ZNF160: variants seen among roughly 807,000 people sequenced by gnomAD.
The protein encoded by ZNF160 is zinc finger protein 160, also known as KRAB zinc finger protein KR18.
Under a neutral mutation model 13.1 loss-of-function variants are expected in ZNF160, and 9 were observed. That is an observed-to-expected ratio of 0.69 (90% CI 0.41 to 1.20). ZNF160 has a LOEUF of 1.20. Among genes scored for constraint, ZNF160 ranks in the 50% most tolerant of loss-of-function variants. The pLI, the probability that ZNF160 is intolerant of heterozygous loss-of-function variation, is 0.01. For missense variants in ZNF160, 838 were observed against 988.0 expected (o/e 0.85, Z 2.04); for synonymous variants, 293 against 333.2 (o/e 0.88, Z 1.31).
intron 5 of ZNF160, among the ~76,000 whole-genome samples, chr19:53,071,781 C>T (rs1344713696): frequency 6.6e-6 from 1 of 152,088 alleles, no homozygotes; most frequent in African/African-American, 2.4e-5. Flanking sequence ...GACCTCACGG[C>T]ACATACCAAT....
chr19:53,076,410 C>T (rs994255082), intron 3 of ZNF160, among the ~76,000 whole-genome samples: 5 of 152,128 alleles, frequency 3.3e-5, no homozygotes, highest in African/African-American at 9.7e-5. Flanking sequence ...AAGGCCGAGG[C>T]GGGTGGATTA....
rs866351439 is a variant in ZNF160 at position 53,077,188 on chromosome 19, A to G, written c.16-2005T>C. 4 of 152,338 alleles carry G rather than the reference A, an allele frequency of 2.6e-5. No homozygotes were observed. The South Asian group carries it at 6.2e-4, about 24-fold the overall frequency. 9.4% of individuals were successfully genotyped at this position (152,338 alleles called of 1,614,324 possible). A position where few individuals can be genotyped will look rare whatever the true frequency, so the allele number is the denominator to read the frequency against. On this transcript the variant is annotated intron_variant, in intron 3 of 5. Transcript: ENST00000683776. The stretch of plus-strand genomic sequence containing the variant: ...AGACAACAGAGGCATTCCTGCATAC[A>G]AACTGGCACAAGCTCTTTAGTTAAG...
At chr19:53,082,044 C>A (rs1260761528) in intron 3 of ZNF160, among the ~76,000 whole-genome samples, 2 of 152,144 alleles carry the variant, frequency 1.3e-5, no homozygotes, top group Non-Finnish European at 2.9e-5. Flanking sequence ...CATGTTCTCA[C>A]AATGGCAGCT....
rs772981787 is a variant in ZNF160 at position 53,069,594 on chromosome 19, TGTAAG to T, written c.935_939del (p.Pro312GlnfsTer4). 6 of 1,614,066 alleles carry T rather than the reference TGTAAG, an allele frequency of 3.7e-6. No individual in the cohort carries two copies. In the African/African-American group the frequency reaches 8.0e-5, roughly 22 times the overall value. On this transcript the variant is annotated frameshift_variant, in exon 6 of 6. Transcript: ENST00000683776. LOFTEE classifies it low-confidence loss of function (END_TRUNC). The surrounding 1 kb of genome is among the most constrained non-coding windows in gnomAD (Gnocchi z 4.4). Reference sequence around the variant, plus strand: ...AAGACCTTGCCACACTCATGACATTTGTAAGGTTTTTCTCCAGTATGGATGACCTG... The same window carrying T: ...AAGACCTTGCCACACTCATGACATTTGTTTTTCTCCAGTATGGATGACCTG...
chr19:53,073,251 A>G, intron 5 of ZNF160: 1 of 1,483,784 alleles, frequency 6.7e-7, no homozygotes, highest in Non-Finnish European at 8.9e-7. Context: ...AAGCCTGGAA[A>G]AACAGAATAC....
intron 3 of ZNF160, chr19:53,075,934 T>C (rs1310737719): frequency 7.7e-6 from 3 of 388,350 alleles, no homozygotes; most frequent in South Asian, 3.9e-5. Flanking sequence ...GCTGACCCTA[T>C]ATCCAGATAG....
rs571680317 is a variant in ZNF160, at chr19:53,081,196, C to A, written c.15+5066G>T. Among the ~76,000 whole-genome samples, 63 of 151,974 alleles carry A rather than the reference C, an allele frequency of 4.1e-4. No individual in the cohort carries two copies. In the South Asian group the frequency reaches 0.011, roughly 28 times the overall value. On this transcript the variant is annotated intron_variant, in intron 3 of 5. Coordinates refer to ENST00000683776, the MANE Select transcript of ZNF160 (RefSeq NM_001322131.2). ...TATGAAGACCTCATAATATATGCAG[C>A]AAAATAAATGCAGCAAATAAAAGGA...
rs576958115 is a variant in ZNF160 at position 53,072,315 on chromosome 19, C to T, written c.271+1825G>A. ...CAGGATTTCACCATGTTGGTCGGGCCGGTCTCGAACTCCTGACCTTGTTAT... is the reference window on the plus strand; with the variant it reads ...CAGGATTTCACCATGTTGGTCGGGCTGGTCTCGAACTCCTGACCTTGTTAT... On this transcript the variant is annotated intron_variant, in intron 5 of 5. Coordinates refer to ENST00000683776, the MANE Select transcript of ZNF160 (RefSeq NM_001322131.2). Among the ~76,000 whole-genome samples the T allele has an allele frequency of 7.9e-5, 12 of 152,150 alleles. No individual in the cohort carries two copies. The South Asian group carries it at 1.5e-3, about 18-fold the overall frequency.
Position 53,068,927 on chromosome 19 carries a change from GGTTTC to G in ZNF160, c.1602_1606del (p.Glu534AspfsTer6). ...CTTGCCACATTCAATACATTTGTAAGGTTTCTCTCCAGAATGGATTGCCTGATGGG... is the reference window on the plus strand; with the variant it reads ...CTTGCCACATTCAATACATTTGTAAGTCTCCAGAATGGATTGCCTGATGGG... On this transcript the variant is annotated frameshift_variant, in exon 6 of 6. Transcript: ENST00000683776. LOFTEE classifies it low-confidence loss of function (END_TRUNC). The G allele has an allele frequency of 2.5e-6, 4 of 1,613,920 alleles. No individual in the cohort carries two copies. Among genetic ancestry groups the G allele is most frequent in the Non-Finnish European group, 3.4e-6 (4 of 1,179,974 alleles).
chr19:53,068,656 G>C lies in ZNF160; in HGVS notation c.1878C>G (p.Cys626Trp). The change falls in exon 6 of 6, where the codon TGC becomes TGG. Residue 626 changes from cysteine (C) to tryptophan (W), a missense_variant. Physicochemically the swap from Cys to Trp is radical, Grantham distance 215. Coordinates refer to ENST00000683776, the MANE Select transcript of ZNF160 (RefSeq NM_001322131.2). ...ATGAATTGTGCCTAAAAACCTTGCC[G>C]CATTCATGACATTTGTAAGGTTTCT... Reference protein sequence around the residue: ...TGEKPYKCHECGKVFRHNSYL... With the variant: ...TGEKPYKCHEWGKVFRHNSYL... The C allele has an allele frequency of 1.2e-6, 2 of 1,613,122 alleles. No individual in the cohort carries two copies. The highest frequency in any genetic ancestry group is 1.7e-6 in the Non-Finnish European group (2 of 1,179,820).
chr19:53,088,922 C>T (rs180785736), intron 2 of ZNF160, among the ~76,000 whole-genome samples: 10 of 152,324 alleles, frequency 6.6e-5, no homozygotes, highest in East Asian at 3.9e-4. Flanking sequence ...ATATGCTGTA[C>T]GCTCTGACTG....
chr19:53,090,402 C>T (rs977699039), intron 2 of ZNF160, among the ~76,000 whole-genome samples: 1 of 152,224 alleles, frequency 6.6e-6, no homozygotes. Flanking sequence ...CCATCCTCTG[C>T]GTTGCCATCT....
intron 4 of ZNF160, 148 bp from the exon 5 acceptor site, chr19:53,074,416 C>T (rs1353233784): frequency 1.5e-6 from 2 of 1,340,412 alleles, no homozygotes; most frequent in African/African-American, 1.5e-5. Context: ...GCCTGTAATC[C>T]CAGCATTTTG....
At chr19:53,075,002 A>T in intron 4 of ZNF160, 55 bp downstream of exon 4, 1 of 1,612,094 alleles carries the variant, frequency 6.2e-7, no homozygotes, top group Non-Finnish European at 8.5e-7. Flanking sequence ...TCGTAAGGGA[A>T]AATGCAACAA....
Position 53,067,875 on chromosome 19 carries a change from T to G in ZNF160, c.*202A>C. On this transcript the variant is annotated 3_prime_UTR_variant, in exon 6 of 6. Coordinates refer to ENST00000683776, the MANE Select transcript of ZNF160 (RefSeq NM_001322131.2). ...TTTCGTTTCATCAAAGATATAAATC[T>G]TGATGCCTAGTAACCTGCGAGGCCT... The G allele has an allele frequency of 1.7e-6, 1 of 602,128 alleles. No homozygotes were observed. Among genetic ancestry groups the G allele is most frequent in the Non-Finnish European group, 2.7e-6 (1 of 373,620 alleles). The allele number at this position is 602,128 out of a possible 1,614,324, so 37.3% of individuals were successfully genotyped here. A position where few individuals can be genotyped will look rare whatever the true frequency, so the allele number is the denominator to read the frequency against.
rs140049432 is a variant in ZNF160 at position 53,075,375 on chromosome 19, A to C, written c.16-192T>G. On this transcript the variant is annotated intron_variant, in intron 3 of 5. Coordinates refer to ENST00000683776, the MANE Select transcript of ZNF160 (RefSeq NM_001322131.2). Reference sequence around the variant, plus strand: ...CTGACATAAGAGCTCACTTGAAATCAGTGGAGTGATAAGTATCTTTTTGTA... The same window carrying C: ...CTGACATAAGAGCTCACTTGAAATCCGTGGAGTGATAAGTATCTTTTTGTA... 12 of 622,324 alleles carry C rather than the reference A, an allele frequency of 1.9e-5. No homozygotes were observed. The African/African-American group carries it at 2.2e-4, about 12-fold the overall frequency. The allele number at this position is 622,324 out of a possible 1,614,324, so 38.6% of individuals were successfully genotyped here.
intron 2 of ZNF160, among the ~76,000 whole-genome samples, chr19:53,090,584 A>G (rs2084996659): frequency 6.6e-6 from 1 of 152,222 alleles, no homozygotes; most frequent in South Asian, 2.1e-4. Flanking sequence ...CTGGGACAAA[A>G]GAACATTGGA....
intron 3 of ZNF160, among the ~76,000 whole-genome samples, chr19:53,084,716 C>G (rs2560953): frequency 0.88 from 133,270 of 152,182 alleles, 58,450 homozygotes; most frequent in Middle Eastern, 0.93. Flanking sequence ...ATTATCCCCG[C>G]ATTTTCATAA....
chr19:53,096,263 T>G (rs151046010), intron 1 of ZNF160, among the ~76,000 whole-genome samples: 2 of 152,266 alleles, frequency 1.3e-5, no homozygotes, highest in African/African-American at 4.8e-5. Context: ...ATTAGGCCAT[T>G]TTTATGGTCT....
Sources: allele counts gnomAD v4.1 joint callset (sites outside exome capture counted in the v4.1 genomes callset), GRCh38; gene constraint gnomAD v4.1.1; non-coding constraint Gnocchi (gnomAD v3.1); transcripts MANE v1.5; gene names NCBI Gene and HGNC (gene_info 2026-07-23, HGNC 2026-07-21).